ELF1: variants seen among roughly 807,000 people sequenced by gnomAD.
ELF1 encodes the protein ETS-related transcription factor Elf-1.
ELF1 carries 24 observed loss-of-function variants against 59.9 expected under a neutral mutation model. That is an observed-to-expected ratio of 0.40 (90% CI 0.29 to 0.56). ELF1 has a LOEUF of 0.56. ELF1 is among the 20% of genes least tolerant of loss of function. The pLI, the probability that ELF1 is intolerant of heterozygous loss-of-function variation, is 0.44. For missense variants in ELF1, 627 were observed against 742.2 expected, an observed-to-expected ratio of 0.84 and a Z score of 1.80; for synonymous variants, 248 against 266.2, an observed-to-expected ratio of 0.93 and a Z score of 0.67.
intron 1 of ELF1, among the ~76,000 whole-genome samples, chr13:41,049,697 A>G (rs138865356): frequency 9.9e-5 from 15 of 152,260 alleles, no homozygotes; most frequent in Middle Eastern, 3.4e-3. Context: ...CATAAGGCTT[A>G]GTCATCCTTT....
chr13:41,053,527 C>T (rs2138437325), intron 1 of ELF1, among the ~76,000 whole-genome samples: 1 of 152,222 alleles, frequency 6.6e-6, no homozygotes, highest in East Asian at 1.9e-4. Flanking sequence ...TTAAATAAGG[C>T]ACAATTGCTG....
intron 1 of ELF1, among the ~76,000 whole-genome samples, chr13:41,015,304 T>C (rs955683058): frequency 8.6e-5 from 13 of 151,146 alleles, no homozygotes; most frequent in Admixed American, 2.6e-4. Flanking sequence ...GAAAGACGGA[T>C]AGCCACATAG....
At chr13:40,980,516 T>C (rs1488774113) in intron 2 of ELF1, among the ~76,000 whole-genome samples, 1 of 152,176 alleles carries the variant, frequency 6.6e-6, no homozygotes, top group Non-Finnish European at 1.5e-5. Flanking sequence ...TTTGCAAAAC[T>C]CTTTTTAGGC....
chr13:40,936,202 C>T (rs893454654), intron 8 of ELF1, among the ~76,000 whole-genome samples: 4 of 152,066 alleles, frequency 2.6e-5, no homozygotes, highest in African/African-American at 9.7e-5. Context: ...ACTGCAGAGC[C>T]GATGTGCCGC....
At chr13:40,936,131 C>T (rs1459651725) in intron 8 of ELF1, among the ~76,000 whole-genome samples, 1 of 152,134 alleles carries the variant, frequency 6.6e-6, no homozygotes, top group Non-Finnish European at 1.5e-5. Context: ...AACACTGATG[C>T]ACAAACAGGT....
intron 2 of ELF1, among the ~76,000 whole-genome samples, chr13:40,963,555 C>T (rs1871982805): frequency 6.6e-6 from 1 of 152,186 alleles, no homozygotes; most frequent in Non-Finnish European, 1.5e-5. Context: ...CTCTCGTTTC[C>T]CCAGGATGCT....
At chr13:41,058,784 C>T (rs2138444366) in intron 1 of ELF1, among the ~76,000 whole-genome samples, 1 of 152,236 alleles carries the variant, frequency 6.6e-6, no homozygotes, top group East Asian at 1.9e-4. Flanking sequence ...ACCAGCCTGG[C>T]CAACATGGTG....
chr13:41,042,534 T>C lies in ELF1; in HGVS notation c.-229+18304A>G, dbSNP rs55861413. 9.9e-3 allele frequency among the ~76,000 whole-genome samples: 1,508 copies of C among 152,150 alleles called. 24 individuals carry two copies. The highest frequency in any genetic ancestry group is 0.034 in the African/African-American group (1,424 of 41,510). ...CCGAGTGTTCTCATTGTTCAATTCCTACCTATGAGTGAGAACATGCGGTGT... is the reference window on the plus strand; with the variant it reads ...CCGAGTGTTCTCATTGTTCAATTCCCACCTATGAGTGAGAACATGCGGTGT... On this transcript the variant is annotated intron_variant, in intron 1 of 1. Transcript: ENST00000405737.
At chr13:40,944,543 T>A (rs988564138) in intron 5 of ELF1, among the ~76,000 whole-genome samples, 1 of 152,166 alleles carries the variant, frequency 6.6e-6, no homozygotes, top group Non-Finnish European at 1.5e-5. Context: ...CACAACAAAC[T>A]TCATAGTTAC....
intron 2 of ELF1, among the ~76,000 whole-genome samples, chr13:40,969,980 G>T (rs1350840365): frequency 6.6e-6 from 1 of 152,104 alleles, no homozygotes; most frequent in East Asian, 1.9e-4. Flanking sequence ...TGCATGTGGG[G>T]ATTGTTCCCT....
In ELF1 at chr13:41,016,953, T is replaced by A. The variant is rs868129675; in HGVS notation, c.-229+2275A>T. Among the ~76,000 whole-genome samples, 251 of 74,380 alleles carry A rather than the reference T, an allele frequency of 3.4e-3. 1 individual carries two copies. The highest frequency in any genetic ancestry group is 4.1e-3 in the Non-Finnish European group (164 of 39,800). The allele number at this position is 74,380 out of a possible 152,430, so 48.8% of individuals were successfully genotyped here. Reference sequence around the variant, plus strand: ...AAAAAAAAAAAAAAAAAAAAATATATATATATATATATATATATATATATA... The same window carrying A: ...AAAAAAAAAAAAAAAAAAAAATATAAATATATATATATATATATATATATA... On this transcript the variant is annotated intron_variant, in intron 1 of 8. Coordinates refer to ENST00000239882, the MANE Select transcript of ELF1 (RefSeq NM_172373.4).
exon 1 of ELF1, chr13:41,061,366 C>A (rs1275349844): frequency 2.0e-6 from 1 of 512,164 alleles, no homozygotes; most frequent in Non-Finnish European, 3.5e-6. Flanking sequence ...TCCTTCAGCT[C>A]AGGTCCCGTC....
chr13:40,993,470 G>A (rs1157349690), intron 1 of ELF1: 29 of 581,200 alleles, frequency 5.0e-5, no homozygotes, highest in Admixed American at 6.5e-5. Flanking sequence ...AGCACCCAGC[G>A]GGCGAGGAAC....
intron 1 of ELF1, among the ~76,000 whole-genome samples, chr13:40,990,949 G>A (rs1368373584): frequency 2.0e-5 from 3 of 151,726 alleles, no homozygotes; most frequent in African/African-American, 7.3e-5. Flanking sequence ...GCTAAGAGAA[G>A]CCTAAAGTTT....
In ELF1 at chr13:41,024,335, T is replaced by C. The variant is rs145701376; in HGVS notation, c.-229+36503A>G. Among the ~76,000 whole-genome samples, 126 of 152,052 alleles carry C rather than the reference T, an allele frequency of 8.3e-4. No homozygotes were observed. In the East Asian group the frequency reaches 0.022, roughly 27 times the overall value. ...TTTTGGGGGGGGTGGCTGTTTTTGT[T>C]TTTTGAGACAGAGTTTTGCTCTGTC... On this transcript the variant is annotated intron_variant, in intron 1 of 1. Coordinates refer to the ELF1 transcript ENST00000405737.
rs1479669083 is a variant in ELF1, at chr13:40,932,847, T to C, written c.*578A>G. ...AGTGCCATTCTTAGGCTGATGCTTT[T>C]ATACTATCCTGCTTCTGAAACAGGG... On this transcript the variant is annotated 3_prime_UTR_variant, in exon 9 of 9. Coordinates refer to ENST00000239882, the MANE Select transcript of ELF1 (RefSeq NM_172373.4). The C allele has an allele frequency of 6.5e-6, 1 of 152,846 alleles. No individual in the cohort carries two copies. The highest frequency in any genetic ancestry group is 1.5e-5 in the Non-Finnish European group (1 of 68,320). 9.5% of individuals were successfully genotyped at this position (152,846 alleles called of 1,614,324 possible).
intron 1 of ELF1, chr13:40,993,347 C>G (rs1873961960): frequency 1.6e-6 from 2 of 1,277,162 alleles, no homozygotes; most frequent in Non-Finnish European, 2.3e-6. Flanking sequence ...GCTACAAGAC[C>G]CAATTAGCCA....
At chr13:41,016,944 A>T (rs1875421760) in intron 1 of ELF1, among the ~76,000 whole-genome samples, 1 of 83,936 alleles carries the variant, frequency 1.2e-5, no homozygotes, top group African/African-American at 4.8e-5. Context: ...AAAAAAAAAA[A>T]AAAATATATA....
At chr13:41,001,251 A>C (rs1195448116) in intron 1 of ELF1, among the ~76,000 whole-genome samples, 1 of 152,118 alleles carries the variant, frequency 6.6e-6, no homozygotes, top group African/African-American at 2.4e-5. Context: ...CTGGGATTAC[A>C]GGCGTGAGCC....
Sources: allele counts gnomAD v4.1 joint callset (sites outside exome capture counted in the v4.1 genomes callset), GRCh38; gene constraint gnomAD v4.1.1; transcripts MANE v1.5; gene names NCBI Gene and HGNC (gene_info 2026-07-23, HGNC 2026-07-21).